Variants in TJAP1 observed in about 807,000 individuals in gnomAD.
TJAP1 encodes the protein tight junction associated protein 1.
In TJAP1, 27 loss-of-function variants were observed where a neutral mutation model predicts 42.0. The ratio of observed to expected loss-of-function variants is 0.64; its 90% CI spans 0.47 to 0.89. The LOEUF is 0.89. Among genes scored for constraint, TJAP1 ranks in the 40% least tolerant of loss-of-function variants. The pLI is 0.00. For missense variants in TJAP1, 712 were observed against 726.9 expected, an observed-to-expected ratio of 0.98 and a Z score of 0.24; for synonymous variants, 257 against 288.4, an observed-to-expected ratio of 0.89 and a Z score of 1.10.
intron 2 of TJAP1, among the ~76,000 whole-genome samples, chr6:43,480,485 T>G (rs1456678760): frequency 6.6e-6 from 1 of 152,240 alleles, no homozygotes; most frequent in Non-Finnish European, 1.5e-5. Context: ...GTAGGACTGT[T>G]GTAAGGGCTT....
chr6:43,486,047 C>T (rs1786406283), intron 2 of TJAP1, among the ~76,000 whole-genome samples: 1 of 151,588 alleles, frequency 6.6e-6, no homozygotes, highest in Admixed American at 6.6e-5. Flanking sequence ...TCTTGGCTCA[C>T]TGCAACCTCC....
intron 2 of TJAP1, among the ~76,000 whole-genome samples, chr6:43,484,286 C>T (rs865829546): frequency 2.0e-5 from 3 of 152,066 alleles, no homozygotes; most frequent in Non-Finnish European, 4.4e-5. Context: ...TGGTGAAGCC[C>T]TGTCTCTACC....
chr6:43,502,227 G>A (rs916982796), intron 6 of TJAP1, 56 bp from the exon 7 acceptor site: 8 of 1,590,604 alleles, frequency 5.0e-6, no homozygotes, highest in East Asian at 4.5e-5. Flanking sequence ...AGGCTGAACA[G>A]AGCCTGAAGA....
At position 43,495,224 on chromosome 6, in the gene TJAP1, A is replaced by G. The variant is rs1306669181; in HGVS notation, c.-121-2657A>G. On this transcript the variant is annotated intron_variant, in intron 2 of 10. Coordinates refer to ENST00000372449, the Ensembl canonical transcript of TJAP1. This position sits in a 1 kb window ranked among gnomAD's most constrained non-coding sequence, Gnocchi z 4.6. ...TTACCTTCTCCCAGCTTGCAGGCCAAGTGTCCCGATGCTTCTCTCTTTGTT... is the reference window on the plus strand; with the variant it reads ...TTACCTTCTCCCAGCTTGCAGGCCAGGTGTCCCGATGCTTCTCTCTTTGTT... Among the ~76,000 whole-genome samples, 1 of 152,192 alleles carries G rather than the reference A, an allele frequency of 6.6e-6. No homozygotes were observed. The highest frequency in any genetic ancestry group is 1.5e-5 in the Non-Finnish European group (1 of 68,030).
intron 8 of TJAP1, 31 bp downstream of exon 8, chr6:43,502,648 T>G: frequency 6.4e-7 from 1 of 1,551,542 alleles, no homozygotes; most frequent in Non-Finnish European, 8.7e-7. Context: ...TCTTCTCCCT[T>G]GCCCTGGCCT....
chr6:43,482,832 T>C (rs1785584644), intron 2 of TJAP1, among the ~76,000 whole-genome samples: 1 of 152,150 alleles, frequency 6.6e-6, no homozygotes, highest in South Asian at 2.1e-4. Flanking sequence ...GCCTATAAAA[T>C]AGTCTTCCTG....
intron 2 of TJAP1, among the ~76,000 whole-genome samples, chr6:43,493,092 T>C (rs1054634761): frequency 1.3e-5 from 2 of 152,238 alleles, no homozygotes; most frequent in African/African-American, 4.8e-5. Flanking sequence ...AGCTGGTGTA[T>C]TCTGAAACGG....
Position 43,505,171 on chromosome 6 carries a change from G to C in TJAP1, c.990G>C (p.Arg330Ser). 6.2e-7 allele frequency: 1 copy of C among 1,614,196 alleles called. No homozygotes were observed. The highest frequency in any genetic ancestry group is 8.5e-7 in the Non-Finnish European group (1 of 1,180,026). Residue 330 changes from arginine to serine, a missense_variant, in exon 11 of 11, where the codon AGG becomes AGC. Around this residue, in one of 3 missense-constraint regions of TJAP1, gnomAD observed 549 missense variants for 528.2 expected, o/e 1.04. Transcript: ENST00000372449. The surrounding 1 kb of genome is among the most constrained non-coding windows in gnomAD (Gnocchi z 5.5). Reference sequence around the variant, plus strand: ...CACACCCACTGTATCCTGGCCGCAGGGTAATAGAGTTCTCTGAGGATAAGG... The same window carrying C: ...CACACCCACTGTATCCTGGCCGCAGCGTAATAGAGTTCTCTGAGGATAAGG...
chr6:43,498,287 T>C (rs1789691722), intron 3 of TJAP1, among the ~76,000 whole-genome samples: 1 of 152,232 alleles, frequency 6.6e-6, no homozygotes, highest in Non-Finnish European at 1.5e-5. Context: ...TATTCTTAAC[T>C]GGAATCAGTA....
chr6:43,480,566 C>T (rs1442267277), intron 2 of TJAP1, among the ~76,000 whole-genome samples: 2 of 152,098 alleles, frequency 1.3e-5, no homozygotes, highest in South Asian at 2.1e-4. Flanking sequence ...TCGCCCAGGC[C>T]GGAGTGCAAT....
intron 4 of TJAP1, among the ~76,000 whole-genome samples, chr6:43,500,112 C>G (rs947343291): frequency 3.9e-5 from 6 of 152,182 alleles, no homozygotes; most frequent in African/African-American, 1.4e-4. Flanking sequence ...GTTTCCCTCT[C>G]GCGATAGCAG....
At chr6:43,486,697 G>T (rs1385339450) in intron 2 of TJAP1, among the ~76,000 whole-genome samples, 2 of 152,088 alleles carry the variant, frequency 1.3e-5, no homozygotes, top group Non-Finnish European at 2.9e-5. Flanking sequence ...TCCCTAGAAA[G>T]GTCTTTGGCT....
chr6:43,501,390 A>C lies in TJAP1; in HGVS notation c.129-136A>C, dbSNP rs997425720. On this transcript the variant is annotated intron_variant, in intron 5 of 10. Transcript: ENST00000372449. ...AAATATGCTGCCTTAGACTCAGACTAAGACTCCAGGAGTTTCCCTGTCCTG... is the reference window on the plus strand; with the variant it reads ...AAATATGCTGCCTTAGACTCAGACTCAGACTCCAGGAGTTTCCCTGTCCTG... 7.8e-6 allele frequency: 6 copies of C among 768,190 alleles called. No homozygotes were observed. In the African/African-American group the frequency reaches 8.8e-5, roughly 11 times the overall value. 47.6% of individuals were successfully genotyped at this position (768,190 alleles called of 1,614,324 possible).
At position 43,502,287 on chromosome 6, in the gene TJAP1, CAG is replaced by C. The variant is rs1791096233; in HGVS notation, c.297_298del (p.Asn100GlnfsTer23). ...CCTTGTATTATCCCTTTTCAGGCTG[CAG>C]AACAGCTACACGGCTTCCCAGCGGA... On this transcript the variant is annotated frameshift_variant, in exon 7 of 11. Transcript: ENST00000372449. LOFTEE classifies it high-confidence loss of function. 1 of 1,613,874 alleles carries C rather than the reference CAG, an allele frequency of 6.2e-7. No individual in the cohort carries two copies. The highest frequency in any genetic ancestry group is 8.5e-7 in the Non-Finnish European group (1 of 1,179,930).
Position 43,504,042 on chromosome 6 carries a change from G to A in TJAP1, c.579+336G>A, listed in dbSNP as rs1397919382. The A allele has an allele frequency of 1.4e-5, 7 of 490,950 alleles. No homozygotes were observed. The Admixed American group carries it at 1.5e-4, about 11-fold the overall frequency. The allele number at this position is 490,950 out of a possible 1,614,324, so 30.4% of individuals were successfully genotyped here. A position where few individuals can be genotyped will look rare whatever the true frequency, so the allele number is the denominator to read the frequency against. ...CCATCTGATCATGTTACCCCAAGGG[G>A]TAAACTCTAGACCCCACAGCTTCAG... On this transcript the variant is annotated intron_variant, in intron 10 of 10. Coordinates refer to ENST00000372449, the Ensembl canonical transcript of TJAP1.
chr6:43,497,572 C>CG (rs1175460457), intron 2 of TJAP1: 1 of 152,158 alleles, frequency 6.6e-6, no homozygotes, highest in Non-Finnish European at 1.5e-5. Flanking sequence ...AGATGAGGAC[C>CG]GATGTGGAGT....
chr6:43,487,113 C>A (rs1786711111), intron 2 of TJAP1, among the ~76,000 whole-genome samples: 1 of 152,124 alleles, frequency 6.6e-6, no homozygotes, highest in Non-Finnish European at 1.5e-5. Context: ...GGTGGGACCT[C>A]TTCTTTGTTA....
rs2127666532 is a variant in TJAP1, at chr6:43,505,246, C to T, written c.1065C>T (p.Arg355=). 2 of 1,614,052 alleles carry T rather than the reference C, an allele frequency of 1.2e-6. No homozygotes were observed. The highest frequency in any genetic ancestry group is 8.5e-7 in the Non-Finnish European group (1 of 1,179,992). The change falls in exon 11 of 11, where the codon CGC becomes CGT. Residue 355 remains arginine, a synonymous_variant. Transcript: ENST00000372449. The surrounding 1 kb of genome is among the most constrained non-coding windows in gnomAD (Gnocchi z 5.5). ...TGCCCAACTGCACTTACGCTACCCG[C>T]CAGGCCATTTCCCTGAGCCTGGTAG...
In TJAP1 at chr6:43,503,365, A is replaced by T. The variant is rs1038435438; in HGVS notation, c.388-36A>T. ...TGGAGGGAGAGGAAGGGCTGGCTAG[A>T]GTGTGGGCTGGGTTAACCTCAAGTC... On this transcript the variant is annotated intron_variant, in intron 8 of 10. Coordinates refer to ENST00000372449, the Ensembl canonical transcript of TJAP1. 6 of 1,537,788 alleles carry T rather than the reference A, an allele frequency of 3.9e-6. No homozygotes were observed. The African/African-American group carries it at 6.8e-5, about 17-fold the overall frequency.
Sources: allele counts gnomAD v4.1 joint callset (sites outside exome capture counted in the v4.1 genomes callset), GRCh38; gene constraint gnomAD v4.1.1; regional missense constraint gnomAD v4.1.1; non-coding constraint Gnocchi (gnomAD v3.1); transcripts MANE v1.5; gene names NCBI Gene and HGNC (gene_info 2026-07-23, HGNC 2026-07-21).